D2HGDH: variants seen among roughly 807,000 people sequenced by gnomAD.
The protein encoded by D2HGDH is D-2-hydroxyglutarate dehydrogenase, mitochondrial.
In D2HGDH, 31 loss-of-function variants were observed where a neutral mutation model predicts 46.9. The ratio of observed to expected loss-of-function variants is 0.66; its 90% CI spans 0.50 to 0.89. D2HGDH has a LOEUF of 0.89. Ranked by LOEUF, D2HGDH falls within the 40% of genes least tolerant of loss-of-function variation. The pLI is 0.00. For missense variants in D2HGDH, 698 were observed against 720.8 expected, an observed-to-expected ratio of 0.97 and a Z score of 0.36; for synonymous variants, 364 against 332.6, an observed-to-expected ratio of 1.09 and a Z score of -1.03.
At chr2:241,747,392 G>GTTTGCT (rs113730074) in intron 6 of D2HGDH, among the ~76,000 whole-genome samples, 4 of 150,374 alleles carry the variant, frequency 2.7e-5, no homozygotes, top group East Asian at 2.1e-4. Context: ...TCCAGAGAGG[G>GTTTGCT]TTTGCTTTTG....
chr2:241,745,289 C>T (rs1236938670), intron 6 of D2HGDH, among the ~76,000 whole-genome samples: 2 of 152,198 alleles, frequency 1.3e-5, no homozygotes, highest in Non-Finnish European at 2.9e-5. Flanking sequence ...CCCCAGTCAG[C>T]CCAGACTGGG....
At chr2:241,748,555 G>A (rs1200653436) in intron 6 of D2HGDH, among the ~76,000 whole-genome samples, 1 of 152,320 alleles carries the variant, frequency 6.6e-6, no homozygotes, top group South Asian at 2.1e-4. Context: ...GGCCTTGCCC[G>A]CTTCACTGGT....
intron 1 of D2HGDH, chr2:241,734,922 C>T (rs1692323192): frequency 5.6e-6 from 2 of 359,922 alleles, no homozygotes; most frequent in Admixed American, 9.6e-5. Context: ...GGGCAAGGTC[C>T]CGGCGAGGCC....
chr2:241,759,342 A>G (rs1459027282), intron 9 of D2HGDH, among the ~76,000 whole-genome samples: 1 of 152,182 alleles, frequency 6.6e-6, no homozygotes, highest in East Asian at 1.9e-4. Context: ...ACGTGTTCTT[A>G]GGGGCATAGG....
chr2:241,744,406 C>T (rs181153563), intron 5 of D2HGDH, among the ~76,000 whole-genome samples: 3 of 152,340 alleles, frequency 2.0e-5, no homozygotes, highest in Admixed American at 6.5e-5. Flanking sequence ...ACACAGGACT[C>T]GGAGAGGCCC....
intron 1 of D2HGDH, 190 bp downstream of exon 1, chr2:241,734,885 G>T: frequency 3.6e-6 from 1 of 274,792 alleles, no homozygotes; most frequent in Non-Finnish European, 6.9e-6. Flanking sequence ...ATCCCCTCGG[G>T]GGGCGAGCTC....
chr2:241,757,004 C>T (rs142149412), intron 9 of D2HGDH, among the ~76,000 whole-genome samples: 1 of 152,270 alleles, frequency 6.6e-6, no homozygotes, highest in Non-Finnish European at 1.5e-5. Flanking sequence ...ATCCATCTGC[C>T]AGTAAATGGG....
intron 6 of D2HGDH, among the ~76,000 whole-genome samples, chr2:241,745,845 GTTGT>G (rs762036257): frequency 3.3e-5 from 5 of 152,150 alleles, no homozygotes; most frequent in Non-Finnish European, 2.9e-5. Context: ...GCTTCAGGCT[GTTGT>G]TTGTTTTCTT....
At chr2:241,747,865 A>C (rs1434220586) in intron 6 of D2HGDH, among the ~76,000 whole-genome samples, 2 of 151,184 alleles carry the variant, frequency 1.3e-5, no homozygotes, top group Non-Finnish European at 3.0e-5. Context: ...GTCGGGCTCC[A>C]TTCTGCTTTT....
chr2:241,755,673 C>T (rs781058249), intron 8 of D2HGDH, 176 bp from the exon 9 acceptor site: 1 of 1,546,070 alleles, frequency 6.5e-7, no homozygotes, highest in East Asian at 2.4e-5. Context: ...TGGTCTGGGA[C>T]ATTCGCTGTC....
rs1014955143 is a variant in D2HGDH, at chr2:241,743,912, C to T, written c.684+97C>T. 8.1e-5 allele frequency: 113 copies of T among 1,402,216 alleles called. No individual in the cohort carries two copies. In the Admixed American group the frequency reaches 1.5e-3, roughly 18 times the overall value. The allele number at this position is 1,402,216 out of a possible 1,614,324, so 86.9% of individuals were successfully genotyped here. A position where few individuals can be genotyped will look rare whatever the true frequency, so the allele number is the denominator to read the frequency against. On this transcript the variant is annotated intron_variant, in intron 5 of 9. Transcript: ENST00000321264. This position sits in a 1 kb window ranked among gnomAD's most constrained non-coding sequence, Gnocchi z 4.8. ...GGTGGCACAGGTGCATGGGGCCCCTCGGGGTGGGAGGTCTTGGTTCCTGGC... is the reference window on the plus strand; with the variant it reads ...GGTGGCACAGGTGCATGGGGCCCCTTGGGGTGGGAGGTCTTGGTTCCTGGC...
In D2HGDH at chr2:241,755,952, T is replaced by C; in HGVS notation, c.1244T>C (p.Val415Ala). The change falls in exon 9 of 10, where the codon GTG (valine) becomes GCG (alanine). Residue 415 changes from valine (V) to alanine (A), a missense_variant. By Grantham distance (64) the Val-to-Ala change is moderately conservative. Transcript: ENST00000321264. ...CCTGTGGAGCGGCTCTACGACATCGTGACTGACCTGCGCGCCCGCCTCGGC... is the reference window on the plus strand; with the variant it reads ...CCTGTGGAGCGGCTCTACGACATCGCGACTGACCTGCGCGCCCGCCTCGGC... The part of the protein sequence containing the change: ...SLPVERLYDI[V>A]TDLRARLGPH... 6.2e-7 allele frequency: 1 copy of C among 1,609,008 alleles called. No homozygotes were observed. The highest frequency in any genetic ancestry group is 8.5e-7 in the Non-Finnish European group (1 of 1,176,548).
chr2:241,756,402 G>T (rs1363707967), intron 9 of D2HGDH, among the ~76,000 whole-genome samples: 1 of 152,252 alleles, frequency 6.6e-6, no homozygotes, highest in Non-Finnish European at 1.5e-5. Flanking sequence ...TTAGCCCCCA[G>T]CTGCTCTACC....
At chr2:241,751,456 T>C in intron 8 of D2HGDH, 68 bp downstream of exon 8, 1 of 1,595,304 alleles carries the variant, frequency 6.3e-7, no homozygotes, top group East Asian at 2.2e-5. Context: ...TTGGGATGCC[T>C]GGAACGGTCA....
In D2HGDH at chr2:241,767,921, C is replaced by T. The variant is rs1268680907; in HGVS notation, c.1518C>T (p.Asp506=). The T allele has an allele frequency of 3.1e-6, 5 of 1,601,148 alleles. No homozygotes were observed. The highest frequency in any genetic ancestry group is 1.7e-5 in the Admixed American group (1 of 58,280). The change falls in exon 10 of 10, where the codon GAC becomes GAT. Residue 506 remains aspartate, a synonymous_variant. Coordinates refer to ENST00000321264, the MANE Select transcript of D2HGDH (RefSeq NM_152783.5). ...QLMQQLKALL[D]PKGILNPYKT... is the part of the protein sequence containing the mutation. Reference sequence around the variant, plus strand: ...TGCAGCAGCTCAAGGCCCTGCTGGACCCCAAGGGCATCCTCAACCCCTACA... The same window carrying T: ...TGCAGCAGCTCAAGGCCCTGCTGGATCCCAAGGGCATCCTCAACCCCTACA...
intron 1 of D2HGDH, 172 bp downstream of exon 1, chr2:241,734,867 T>C (rs983121253): frequency 2.6e-3 from 611 of 232,720 alleles, no homozygotes; most frequent in Non-Finnish European, 3.9e-3. Flanking sequence ...CGCGCGCGCG[T>C]CCGCGGGATC....
At chr2:241,737,893 GGGAAGATCT>G (rs1489387993) in intron 2 of D2HGDH, among the ~76,000 whole-genome samples, 1 of 152,204 alleles carries the variant, frequency 6.6e-6, no homozygotes, top group Non-Finnish European at 1.5e-5. Context: ...TGCTGTCATT[GGGAAGATCT>G]GGAATTGTTT....
At chr2:241,741,812 C>T (rs139836122) in intron 3 of D2HGDH, among the ~76,000 whole-genome samples, 10,838 of 50,908 alleles carry the variant, frequency 0.21, 1 homozygote, top group African/African-American at 0.29. Context: ...GGGCTTGCTG[C>T]CTCCAGGGTT....
Position 241,744,596 on chromosome 2 carries a change from C to T in D2HGDH, c.685-113C>T, listed in dbSNP as rs1219618077. On this transcript the variant is annotated intron_variant, in intron 5 of 9. Transcript: ENST00000321264. ...TCGTACAGGAGGAAAGTCCATCCTT[C>T]AGCCTCTTGGCATGACCTCAGGCTG... is the stretch of plus-strand genomic sequence containing the variant. The T allele has an allele frequency of 3.8e-6, 5 of 1,302,820 alleles. No homozygotes were observed. The African/African-American group carries it at 7.4e-5, about 19-fold the overall frequency. The allele number at this position is 1,302,820 out of a possible 1,614,324, so 80.7% of individuals were successfully genotyped here. A position where few individuals can be genotyped will look rare whatever the true frequency, so the allele number is the denominator to read the frequency against.
Sources: allele counts gnomAD v4.1 joint callset (sites outside exome capture counted in the v4.1 genomes callset), GRCh38; gene constraint gnomAD v4.1.1; non-coding constraint Gnocchi (gnomAD v3.1); transcripts MANE v1.5; gene names NCBI Gene and HGNC (gene_info 2026-07-23, HGNC 2026-07-21).